The following CNTNAP2 variants were observed in gnomAD, a reference collection of about 807,000 sequenced individuals.
The protein encoded by CNTNAP2 is contactin-associated protein-like 2.
CNTNAP2 carries 98 observed loss-of-function variants against 155.2 expected under a neutral mutation model. That is an observed-to-expected ratio of 0.63 (90% confidence interval 0.54 to 0.75). CNTNAP2 has a LOEUF of 0.75. Ranked by LOEUF, CNTNAP2 falls within the 30% of genes least tolerant of loss-of-function variation. The pLI, the probability that CNTNAP2 is intolerant of heterozygous loss-of-function variation, is 0.00. For missense variants in CNTNAP2, 1,727 were observed against 1,688.1 expected (o/e 1.02, Z -0.40); for synonymous variants, 651 against 631.2 (o/e 1.03, Z -0.47).
At chr7:146,764,389 G>A (rs1444654801) in intron 1 of CNTNAP2, among the ~76,000 whole-genome samples, 1 of 151,916 alleles carries the variant, frequency 6.6e-6, no homozygotes, top group East Asian at 1.9e-4. Flanking sequence ...TCCTTTTGTT[G>A]CATGAAGTTA....
At chr7:147,158,123 T>G (rs1170240693) in intron 8 of CNTNAP2, among the ~76,000 whole-genome samples, 1 of 152,130 alleles carries the variant, frequency 6.6e-6, no homozygotes. Flanking sequence ...GTCTTCTGTT[T>G]CCCTGTTTCC....
rs564495285 is a variant in CNTNAP2 at position 146,777,842 on chromosome 7, A to G, written c.208+3461A>G. ...TGCAAATGCCCTTGGGAGAAGAGCC[A>G]TGTAGGGTGAAATTCTTGAAAACAT... On this transcript the variant is annotated intron_variant, in intron 2 of 23. Transcript: ENST00000361727. Among the ~76,000 whole-genome samples the G allele has an allele frequency of 8.1e-4, 123 of 152,306 alleles. 1 individual carries two copies. In the Middle Eastern group the frequency reaches 0.01, roughly 13 times the overall value.
intron 13 of CNTNAP2, among the ~76,000 whole-genome samples, chr7:147,711,811 A>G (rs1796404285): frequency 6.6e-6 from 1 of 152,112 alleles, no homozygotes; most frequent in East Asian, 1.9e-4. Context: ...TACTGTACTG[A>G]CTTCTCTCTT....
intron 1 of CNTNAP2, among the ~76,000 whole-genome samples, chr7:146,653,785 C>G (rs1799953053): frequency 6.6e-6 from 1 of 151,906 alleles, no homozygotes; most frequent in Non-Finnish European, 1.5e-5. Flanking sequence ...TCATTTAGTC[C>G]TTAAATACAT....
At chr7:147,081,011 A>T (rs1396616610) in intron 4 of CNTNAP2, 1 of 152,204 alleles carries the variant, frequency 6.6e-6, no homozygotes, top group South Asian at 2.1e-4. Flanking sequence ...TGACATCAAC[A>T]TAGTGTATAT....
At chr7:148,026,810 A>G (rs1802384446) in intron 15 of CNTNAP2, among the ~76,000 whole-genome samples, 1 of 152,208 alleles carries the variant, frequency 6.6e-6, no homozygotes, top group South Asian at 2.1e-4. Flanking sequence ...GAAAATAATG[A>G]CACTGCAAAT....
rs373774284 is a variant in CNTNAP2 at position 146,118,321 on chromosome 7, A to G, written c.97+1348A>G. Among the ~76,000 whole-genome samples, 6 of 152,314 alleles carry G rather than the reference A, an allele frequency of 3.9e-5. No individual in the cohort carries two copies. The South Asian group carries it at 1.2e-3, about 32-fold the overall frequency. On this transcript the variant is annotated intron_variant, in intron 1 of 23. Coordinates refer to ENST00000361727, the MANE Select transcript of CNTNAP2 (RefSeq NM_014141.6). ...TTGAAAACATTGTATAGCATTTTTTATAACACAAGTTAAATCACAAAGAGT... is the reference window on the plus strand; with the variant it reads ...TTGAAAACATTGTATAGCATTTTTTGTAACACAAGTTAAATCACAAAGAGT...
At chr7:147,097,966 G>T (rs1399792800) in intron 4 of CNTNAP2, among the ~76,000 whole-genome samples, 1 of 152,154 alleles carries the variant, frequency 6.6e-6, no homozygotes, top group Admixed American at 6.5e-5. Context: ...AAATTCTTCA[G>T]TTAGTATAAA....
chr7:147,024,479 T>C (rs1278615442), intron 3 of CNTNAP2, among the ~76,000 whole-genome samples: 1 of 152,194 alleles, frequency 6.6e-6, no homozygotes, highest in Non-Finnish European at 1.5e-5. Context: ...ACATAGGAAC[T>C]CAACTGTATT....
intron 1 of CNTNAP2, among the ~76,000 whole-genome samples, chr7:146,438,512 G>A (rs1269045867): frequency 6.6e-6 from 1 of 151,334 alleles, no homozygotes; most frequent in Non-Finnish European, 1.5e-5. Context: ...TTTATAATGA[G>A]CTGAAAACTT....
intron 1 of CNTNAP2, among the ~76,000 whole-genome samples, chr7:146,400,523 TAGTG>T (rs774721005): frequency 3.3e-5 from 5 of 152,176 alleles, no homozygotes; most frequent in Non-Finnish European, 5.9e-5. Context: ...CAGTGAAAGT[TAGTG>T]AGAGAAGGAA....
chr7:146,832,864 T>A (rs897086600), intron 2 of CNTNAP2, among the ~76,000 whole-genome samples: 5 of 151,696 alleles, frequency 3.3e-5, no homozygotes, highest in Non-Finnish European at 5.9e-5. Context: ...CCTGGCAAAT[T>A]TTTGTATATT....
chr7:148,214,103 G>A (rs1044670141), intron 18 of CNTNAP2, among the ~76,000 whole-genome samples: 1 of 152,164 alleles, frequency 6.6e-6, no homozygotes, highest in Non-Finnish European at 1.5e-5. Context: ...TTTTCCCACA[G>A]CAAGTCTTCC....
chr7:147,651,026 G>A (rs1024840670), intron 13 of CNTNAP2, among the ~76,000 whole-genome samples: 2 of 152,160 alleles, frequency 1.3e-5, no homozygotes, highest in South Asian at 4.1e-4. Context: ...TTGGAGGAAA[G>A]ATGAGGAAGG....
intron 1 of CNTNAP2, among the ~76,000 whole-genome samples, chr7:146,737,657 A>G (rs989158307): frequency 2.6e-5 from 4 of 151,986 alleles, no homozygotes; most frequent in African/African-American, 7.2e-5. Flanking sequence ...TCTGATAATC[A>G]GTGATGATGA....
intron 3 of CNTNAP2, among the ~76,000 whole-genome samples, chr7:147,033,809 A>C (rs988104918): frequency 7.9e-5 from 12 of 152,004 alleles, no homozygotes; most frequent in African/African-American, 2.9e-4. Flanking sequence ...AAAAAAAAAA[A>C]AAAAACACAG....
intron 21 of CNTNAP2, among the ~76,000 whole-genome samples, chr7:148,316,297 C>T (rs1677350868): frequency 1.3e-5 from 2 of 151,848 alleles, no homozygotes; most frequent in Admixed American, 1.3e-4. Flanking sequence ...ATGTAACAAA[C>T]CTGCACGTTG....
intron 1 of CNTNAP2, among the ~76,000 whole-genome samples, chr7:146,639,101 C>T (rs1183180385): frequency 2.0e-5 from 3 of 152,168 alleles, no homozygotes; most frequent in Non-Finnish European, 4.4e-5. Flanking sequence ...TTGACTGAAA[C>T]ATCATTAGGC....
chr7:147,534,301 G>A (rs1235450850), intron 11 of CNTNAP2, among the ~76,000 whole-genome samples: 1 of 152,180 alleles, frequency 6.6e-6, no homozygotes, highest in Admixed American at 6.5e-5. Context: ...TGGTGCTGAG[G>A]TTGAGAAACC....
Sources: gnomAD v4.1 joint callset for allele counts (sites outside exome capture counted in the v4.1 genomes callset) on GRCh38, gnomAD v4.1.1 for gene constraint, MANE v1.5 for transcripts, NCBI Gene and HGNC (gene_info 2026-07-23, HGNC 2026-07-21) for gene names.